The following CPLX2 variants were observed in gnomAD, a reference collection of about 807,000 sequenced individuals.
CPLX2 encodes complexin-2.
In CPLX2, 5 loss-of-function variants were observed where a neutral mutation model predicts 16.3. The ratio of observed to expected loss-of-function variants is 0.31; its 90% CI spans 0.16 to 0.64. CPLX2 has a LOEUF of 0.64. Among genes scored for constraint, CPLX2 ranks in the 30% least tolerant of loss-of-function variants. The pLI, the probability that CPLX2 is intolerant of heterozygous loss-of-function variation, is 0.79. For synonymous variants in CPLX2, 89 were observed against 73.2 expected, an observed-to-expected ratio of 1.22 and a Z score of -1.10; for missense variants, 144 against 181.4, an observed-to-expected ratio of 0.79 and a Z score of 1.18.
chr5:175,853,738 C>T (rs1040026471), intron 2 of CPLX2, among the ~76,000 whole-genome samples: 12 of 152,166 alleles, frequency 7.9e-5, no homozygotes, highest in African/African-American at 2.9e-4. Context: ...TAGGAAAGGG[C>T]GGTTCTGGAA....
chr5:175,836,211 G>T (rs891000995), intron 2 of CPLX2, among the ~76,000 whole-genome samples: 1 of 152,100 alleles, frequency 6.6e-6, no homozygotes, highest in African/African-American at 2.4e-5. Flanking sequence ...TTAGCTGGGC[G>T]TGGTGGCGGG....
At chr5:175,799,095 C>T (rs1464483468) in intron 1 of CPLX2, among the ~76,000 whole-genome samples, 4 of 152,186 alleles carry the variant, frequency 2.6e-5, no homozygotes, top group African/African-American at 7.2e-5. Context: ...AGGGATGCAT[C>T]AACACTCAAC....
intron 2 of CPLX2, among the ~76,000 whole-genome samples, chr5:175,823,853 A>G (rs1758557337): frequency 6.6e-6 from 1 of 152,196 alleles, no homozygotes; most frequent in Non-Finnish European, 1.5e-5. Flanking sequence ...ACTCAGCCAG[A>G]AGGGAGCAGC....
intron 2 of CPLX2, among the ~76,000 whole-genome samples, chr5:175,838,523 C>CA (rs1758885476): frequency 6.6e-6 from 1 of 151,846 alleles, no homozygotes; most frequent in Non-Finnish European, 1.5e-5. Context: ...CCGCCTCGGC[C>CA]TCCCAAAAGT....
intron 2 of CPLX2, among the ~76,000 whole-genome samples, chr5:175,858,956 C>A (rs936105055): frequency 6.6e-6 from 1 of 152,184 alleles, no homozygotes; most frequent in African/African-American, 2.4e-5. Context: ...AGCATGGAAA[C>A]CTTGGTGACA....
upstream of CPLX2, chr5:175,871,435 G>GAGAGAGAGAGAGAGAGAGAA (rs1759600936): frequency 3.8e-5 from 2 of 52,854 alleles, no homozygotes; most frequent in African/African-American, 1.3e-4. Context: ...GAGAGAGACA[G>GAGAGAGAGAGAGAGAGAGAA]AGAGAGAGAG....
At chr5:175,879,318 G>A (rs750742647) in intron 3 of CPLX2, among the ~76,000 whole-genome samples, 1 of 152,220 alleles carries the variant, frequency 6.6e-6, no homozygotes, top group Non-Finnish European at 1.5e-5. Context: ...GGACCCTACG[G>A]TCCACCATTT....
chr5:175,837,156 C>T (rs1310994538), intron 2 of CPLX2, among the ~76,000 whole-genome samples: 3 of 152,184 alleles, frequency 2.0e-5, no homozygotes, highest in East Asian at 3.9e-4. Context: ...GGAGCTGTGA[C>T]CTGGTCAAGG....
chr5:175,865,697 C>G (rs1470063864), intron 2 of CPLX2, among the ~76,000 whole-genome samples: 1 of 152,126 alleles, frequency 6.6e-6, no homozygotes, highest in Non-Finnish European at 1.5e-5. Context: ...AGATGAGGGT[C>G]CAGGATCTTA....
intron 1 of CPLX2, among the ~76,000 whole-genome samples, chr5:175,800,495 A>AC (rs1196302243): frequency 6.6e-6 from 1 of 151,288 alleles, no homozygotes; most frequent in Non-Finnish European, 1.5e-5. Flanking sequence ...CAGAAAAAAA[A>AC]AAAACAAGTG....
intron 3 of CPLX2, 38 bp from the exon 4 acceptor site, chr5:175,879,810 C>T: frequency 1.3e-6 from 2 of 1,577,296 alleles, no homozygotes; most frequent in East Asian, 4.6e-5. Context: ...TCCTTGCCCA[C>T]CCCGCTTCAT....
At chr5:175,812,045 A>G (rs1281162312) in intron 2 of CPLX2, among the ~76,000 whole-genome samples, 1 of 152,240 alleles carries the variant, frequency 6.6e-6, no homozygotes, top group Non-Finnish European at 1.5e-5. Context: ...TTCATACTAC[A>G]GATGCTGGGA....
intron 2 of CPLX2, among the ~76,000 whole-genome samples, chr5:175,833,915 G>A (rs1361063373): frequency 6.6e-6 from 1 of 152,120 alleles, no homozygotes; most frequent in African/African-American, 2.4e-5. Flanking sequence ...CATCTAACCT[G>A]GAGGCCCAGG....
intron 2 of CPLX2, among the ~76,000 whole-genome samples, chr5:175,834,701 G>T (rs13184534): frequency 2.0e-5 from 3 of 151,878 alleles, no homozygotes; most frequent in African/African-American, 7.3e-5. Flanking sequence ...GGTGAAACCT[G>T]GTCTCTACTA....
In CPLX2 at chr5:175,872,653, C is replaced by T. The variant is rs999034215; in HGVS notation, c.-89+948C>T. 1.3e-5 allele frequency among the ~76,000 whole-genome samples: 2 copies of T among 152,134 alleles called. No individual in the cohort carries two copies. The highest frequency in any genetic ancestry group is 6.5e-5 in the Admixed American group (1 of 15,284). ...CTACCTCCTCCCATCCTCCGCTGCC[C>T]CTCCCCTCCCCCATGCGTCTCCCAT... On this transcript the variant is annotated intron_variant, in intron 1 of 3. Transcript: ENST00000393745. The surrounding 1 kb of genome is among the most constrained non-coding windows in gnomAD (Gnocchi z 5.0).
intron 1 of CPLX2, among the ~76,000 whole-genome samples, chr5:175,802,823 CTTTTTTTTTATTTTCCTTTT>C (rs1435914547): frequency 2.0e-5 from 3 of 151,396 alleles, no homozygotes; most frequent in African/African-American, 7.3e-5. Context: ...TCCTTCCTTT[CTTTTTTTTTATTTTCCTTTT>C]TTTTTTGAGA....
chr5:175,831,533 G>A (rs923449813), intron 2 of CPLX2, among the ~76,000 whole-genome samples: 2 of 152,192 alleles, frequency 1.3e-5, no homozygotes, highest in African/African-American at 2.4e-5. Flanking sequence ...GGGGAAAAGT[G>A]TCTGATGCAA....
chr5:175,807,426 T>A (rs889854717), intron 1 of CPLX2, among the ~76,000 whole-genome samples: 4 of 152,200 alleles, frequency 2.6e-5, no homozygotes, highest in African/African-American at 9.6e-5. Flanking sequence ...TGCACACAGG[T>A]GGCCCCACCT....
Position 175,852,517 on chromosome 5 carries a change from C to G in CPLX2, c.-88-26135C>G, listed in dbSNP as rs111947046. On this transcript the variant is annotated intron_variant, in intron 2 of 4. Transcript: ENST00000359546. ...TAGAGTTCTTGCTTTCTGTGCCAGG[C>G]ACCATGCAAAGGCACGTACATTCAC... Among the ~76,000 whole-genome samples the G allele has an allele frequency of 1.7e-3, 253 of 152,344 alleles. 1 individual carries two copies. Among genetic ancestry groups the G allele is most frequent in the African/African-American group, 5.7e-3 (235 of 41,578 alleles).
Sources: gnomAD v4.1 joint callset for allele counts (sites outside exome capture counted in the v4.1 genomes callset) on GRCh38, gnomAD v4.1.1 for gene constraint, Gnocchi (gnomAD v3.1) non-coding constraint, MANE v1.5 for transcripts, NCBI Gene and HGNC (gene_info 2026-07-23, HGNC 2026-07-21) for gene names.